The following GRIK1 variants were observed in gnomAD, a reference collection of about 807,000 sequenced individuals.
The protein encoded by GRIK1 is glutamate receptor ionotropic, kainate 1.
GRIK1 carries 69 observed loss-of-function variants against 105.7 expected under a neutral mutation model. The ratio of observed to expected loss-of-function variants is 0.65; its 90% CI spans 0.54 to 0.80. The LOEUF is 0.80. Among genes scored for constraint, GRIK1 ranks in the 30% least tolerant of loss-of-function variants. The pLI, the probability that GRIK1 is intolerant of heterozygous loss-of-function variation, is 0.00. For missense variants in GRIK1, 1,109 were observed against 1,167.3 expected, an observed-to-expected ratio of 0.95 and a Z score of 0.73; for synonymous variants, 438 against 431.3, an observed-to-expected ratio of 1.02 and a Z score of -0.19.
chr21:29,790,814 T>A (rs1461455985), intron 1 of GRIK1, among the ~76,000 whole-genome samples: 1 of 152,188 alleles, frequency 6.6e-6, no homozygotes. Flanking sequence ...CTTTTCTAAA[T>A]CCTATTCCAG....
intron 1 of GRIK1, among the ~76,000 whole-genome samples, chr21:29,713,006 A>G (rs957384243): frequency 6.6e-6 from 1 of 152,084 alleles, no homozygotes; most frequent in African/African-American, 2.4e-5. Flanking sequence ...GAGTGTTTCA[A>G]CATGTGCTAA....
At chr21:29,584,952 A>G (rs1440572073) in intron 12 of GRIK1, among the ~76,000 whole-genome samples, 1 of 152,190 alleles carries the variant, frequency 6.6e-6, no homozygotes, top group Non-Finnish European at 1.5e-5. Context: ...ATGGATTCTA[A>G]GGTGTAGAGA....
intron 1 of GRIK1, among the ~76,000 whole-genome samples, chr21:29,780,594 C>T (rs2066068111): frequency 6.6e-6 from 1 of 152,036 alleles, no homozygotes. Flanking sequence ...AAACAGAAGC[C>T]GTTCAATCAA....
At chr21:29,874,545 C>T (rs1039575982) in intron 1 of GRIK1, among the ~76,000 whole-genome samples, 2 of 152,168 alleles carry the variant, frequency 1.3e-5, no homozygotes, top group Non-Finnish European at 2.9e-5. Context: ...ATTTGTTCGT[C>T]CGCCGCTCAC....
chr21:29,678,567 AGT>A, intron 3 of GRIK1, among the ~76,000 whole-genome samples: 1 of 152,328 alleles, frequency 6.6e-6, no homozygotes, highest in African/African-American at 2.4e-5. Context: ...TCCTGGGCAT[AGT>A]TCTGAATATT....
At chr21:29,837,855 G>A (rs553125148) in intron 1 of GRIK1, among the ~76,000 whole-genome samples, 104 of 152,248 alleles carry the variant, frequency 6.8e-4, no homozygotes, top group African/African-American at 2.4e-3. Flanking sequence ...CCAAAGCCCC[G>A]AGTGTGGAGA....
intron 1 of GRIK1, among the ~76,000 whole-genome samples, chr21:29,829,064 C>T (rs367574950): frequency 1.1e-4 from 16 of 152,198 alleles, no homozygotes; most frequent in South Asian, 2.1e-4. Flanking sequence ...CTGATTTGAA[C>T]GCCTTTCCAA....
intron 7 of GRIK1, among the ~76,000 whole-genome samples, chr21:29,629,646 C>T (rs145835448): frequency 2.1e-3 from 314 of 152,154 alleles, no homozygotes; most frequent in African/African-American, 7.2e-3. Context: ...CCCGCCACCA[C>T]GCCCGGCTAA....
chr21:29,612,962 G>A (rs75111652), intron 7 of GRIK1, among the ~76,000 whole-genome samples: 4,227 of 152,212 alleles, frequency 0.028, 61 homozygotes, highest in East Asian at 0.058. Flanking sequence ...TGACATATTT[G>A]GAGAATGACT....
chr21:29,705,023 A>G (rs982524557), intron 1 of GRIK1, among the ~76,000 whole-genome samples: 1 of 152,188 alleles, frequency 6.6e-6, no homozygotes, highest in Non-Finnish European at 1.5e-5. Context: ...TCATGATTCT[A>G]TTTATCTCCT....
chr21:29,685,230 C>T lies in GRIK1; in HGVS notation c.544+4498G>A, dbSNP rs541353721. 1.2e-3 allele frequency among the ~76,000 whole-genome samples: 177 copies of T among 152,308 alleles called. 1 individual carries two copies. The highest frequency in any genetic ancestry group is 2.0e-3 in the Non-Finnish European group (136 of 68,018). ...AACGTATTGCAGAAGCCATTTAGAT[C>T]TCAGGAAAAGGCAGCCATAGTACAG... On this transcript the variant is annotated intron_variant, in intron 3 of 17. Transcript: ENST00000327783.
intron 1 of GRIK1, among the ~76,000 whole-genome samples, chr21:29,768,647 G>A (rs567675588): frequency 1.4e-4 from 22 of 152,312 alleles, no homozygotes; most frequent in African/African-American, 5.3e-4. Context: ...TGTGCAGGGG[G>A]GATGCCACCT....
intron 7 of GRIK1, among the ~76,000 whole-genome samples, chr21:29,617,217 A>T (rs1002121722): frequency 6.6e-6 from 1 of 152,236 alleles, no homozygotes; most frequent in Non-Finnish European, 1.5e-5. Flanking sequence ...TCCTGGGAGC[A>T]ATCGAAGAGT....
intron 16 of GRIK1, among the ~76,000 whole-genome samples, chr21:29,538,195 T>C (rs546715697): frequency 4.6e-4 from 70 of 152,234 alleles, no homozygotes; most frequent in African/African-American, 1.7e-3. Context: ...ATAAGACCTT[T>C]GAGTGAAAAA....
chr21:29,651,530 T>C (rs2062737657), intron 5 of GRIK1, among the ~76,000 whole-genome samples: 1 of 152,046 alleles, frequency 6.6e-6, no homozygotes, highest in Admixed American at 6.6e-5. Flanking sequence ...CATGAGGAAA[T>C]CTTGAGCTGT....
chr21:29,656,649 T>C (rs2146582087), intron 4 of GRIK1, among the ~76,000 whole-genome samples: 1 of 152,256 alleles, frequency 6.6e-6, no homozygotes, highest in East Asian at 1.9e-4. Flanking sequence ...AGATCTTCAG[T>C]TGAAGAGATG....
chr21:29,573,009 G>T (rs946887705), intron 14 of GRIK1, among the ~76,000 whole-genome samples: 6 of 152,248 alleles, frequency 3.9e-5, no homozygotes, highest in Admixed American at 1.3e-4. Context: ...CTGACCTCAG[G>T]TGATCCACCA....
chr21:29,574,751 A>G (rs1366279446), intron 14 of GRIK1, among the ~76,000 whole-genome samples: 9 of 145,320 alleles, frequency 6.2e-5, no homozygotes, highest in South Asian at 2.1e-4. Flanking sequence ...GCAGTGGCGC[A>G]ATCTCGGCTC....
At chr21:29,908,352 C>T (rs2070713955) in intron 1 of GRIK1, among the ~76,000 whole-genome samples, 1 of 152,030 alleles carries the variant, frequency 6.6e-6, no homozygotes, top group African/African-American at 2.4e-5. Flanking sequence ...CCCCTTGTTC[C>T]TCCTTGTCAA....
Sources: allele counts gnomAD v4.1 joint callset (sites outside exome capture counted in the v4.1 genomes callset), GRCh38; gene constraint gnomAD v4.1.1; transcripts MANE v1.5; gene names NCBI Gene and HGNC (gene_info 2026-07-23, HGNC 2026-07-21).